Variants in MAP2K4 observed in about 807,000 individuals in gnomAD.
MAP2K4 encodes mitogen-activated protein kinase kinase 4.
Under a neutral mutation model 48.5 loss-of-function variants are expected in MAP2K4, and 4 were observed. That is an observed-to-expected ratio of 0.08 (90% CI 0.04 to 0.19). The LOEUF is 0.19. Among genes scored for constraint, MAP2K4 ranks in the 10% least tolerant of loss-of-function variants. The pLI is 1.00. For synonymous variants in MAP2K4, 166 were observed against 173.1 expected (o/e 0.96, Z 0.32); for missense variants, 258 against 493.3 (o/e 0.52, Z 4.52).
intron 8 of MAP2K4, among the ~76,000 whole-genome samples, chr17:12,126,668 T>TAGG (rs1282554849): frequency 2.0e-5 from 3 of 152,156 alleles, no homozygotes; most frequent in Non-Finnish European, 4.4e-5. Context: ...ACCATCACAT[T>TAGG]AGGGATTAGG....
At chr17:12,115,650 A>G (rs1193987841) in intron 7 of MAP2K4, 6 of 752,718 alleles carry the variant, frequency 8.0e-6, no homozygotes, top group African/African-American at 1.7e-5. Context: ...AACGCTTATT[A>G]ACACAGCAAA....
intron 4 of MAP2K4, among the ~76,000 whole-genome samples, chr17:12,098,457 A>G (rs986923694): frequency 5.3e-5 from 8 of 151,358 alleles, no homozygotes; most frequent in Non-Finnish European, 7.4e-5. Context: ...CAGCCTGGGC[A>G]ACAGAGCGAG....
rs1474038251 is a variant in MAP2K4, at chr17:12,143,637, C to T, written c.*2377C>T. 1.3e-5 allele frequency: 3 copies of T among 230,976 alleles called. No individual in the cohort carries two copies. The highest frequency in any genetic ancestry group is 5.6e-5 in the Admixed American group (1 of 17,728). 14.3% of individuals were successfully genotyped at this position (230,976 alleles called of 1,614,324 possible). On this transcript the variant is annotated 3_prime_UTR_variant, in exon 11 of 11. Transcript: ENST00000353533. ...TCCTGTATTCTTGTTTGAATTCCTC[C>T]TCTATTTAAGATATATACATGGAAT...
At chr17:12,105,924 A>G (rs1056019975) in intron 4 of MAP2K4, among the ~76,000 whole-genome samples, 3 of 151,870 alleles carry the variant, frequency 2.0e-5, no homozygotes, top group East Asian at 1.9e-4. Context: ...TTTGGTAACT[A>G]TAGTTTTTAG....
chr17:12,053,936 A>C (rs964286870), intron 1 of MAP2K4, among the ~76,000 whole-genome samples: 6 of 152,164 alleles, frequency 3.9e-5, no homozygotes, highest in African/African-American at 1.4e-4. Context: ...CTAGAGAGTG[A>C]GTTCAGGAAA....
intron 9 of MAP2K4, among the ~76,000 whole-genome samples, chr17:12,134,218 G>A (rs763711082): frequency 4.6e-5 from 7 of 152,186 alleles, no homozygotes; most frequent in Non-Finnish European, 8.8e-5. Flanking sequence ...CAGTTAACCT[G>A]AATCCATAGC....
At chr17:12,121,070 A>T (rs1431460308) in intron 7 of MAP2K4, among the ~76,000 whole-genome samples, 1 of 152,230 alleles carries the variant, frequency 6.6e-6, no homozygotes, top group East Asian at 1.9e-4. Context: ...AATGATGGTG[A>T]TGCCCAGCAA....
chr17:12,066,956 C>T (rs1006034379), intron 2 of MAP2K4, among the ~76,000 whole-genome samples: 2 of 151,814 alleles, frequency 1.3e-5, no homozygotes, highest in Non-Finnish European at 2.9e-5. Context: ...GGATTACAGG[C>T]GTGAGCCACC....
intron 9 of MAP2K4, among the ~76,000 whole-genome samples, chr17:12,131,041 A>G (rs573234883): frequency 6.6e-6 from 1 of 152,302 alleles, no homozygotes; most frequent in Non-Finnish European, 1.5e-5. Context: ...TTAGTCCTCC[A>G]AAGGGCCATA....
chr17:12,127,291 A>G (rs1274102923), intron 8 of MAP2K4, among the ~76,000 whole-genome samples: 1 of 152,242 alleles, frequency 6.6e-6, no homozygotes, highest in Non-Finnish European at 1.5e-5. Context: ...AGGAGAGAAC[A>G]TGGATCTCGG....
In MAP2K4 at chr17:12,142,057, G is replaced by A. The variant is rs59832266; in HGVS notation, c.*797G>A. On this transcript the variant is annotated 3_prime_UTR_variant, in exon 11 of 11. Coordinates refer to ENST00000353533, the MANE Select transcript of MAP2K4 (RefSeq NM_003010.4). ...AAGAATTTTTCATTCTCAGAATTCG[G>A]TGTGCTGCCAACTTGATGTTCCACC... 692 of 233,350 alleles carry A rather than the reference G, an allele frequency of 3.0e-3. 19 individuals carry two copies. The East Asian group carries it at 0.04, about 13-fold the overall frequency. 14.5% of individuals were successfully genotyped at this position (233,350 alleles called of 1,614,324 possible).
chr17:12,051,566 A>G (rs888868962), intron 1 of MAP2K4, among the ~76,000 whole-genome samples: 1 of 152,192 alleles, frequency 6.6e-6, no homozygotes. Context: ...AGTCCCACCA[A>G]AGGGGTTATT....
chr17:12,039,226 T>G (rs1969699338), intron 1 of MAP2K4, among the ~76,000 whole-genome samples: 1 of 152,176 alleles, frequency 6.6e-6, no homozygotes, highest in Admixed American at 6.5e-5. Flanking sequence ...TCAGGAGACC[T>G]GTGAAGTCAG....
rs536845984 is a variant in MAP2K4, at chr17:12,084,250, C to T, written c.393+2720C>T. ...GATATAATCAGATTTAGTGAGGTAA[C>T]ATTGTAAGAGTTATACTTAAAACAA... On this transcript the variant is annotated intron_variant, in intron 3 of 10. Transcript: ENST00000353533. Among the ~76,000 whole-genome samples the T allele has an allele frequency of 4.6e-5, 7 of 152,234 alleles. No homozygotes were observed. In the East Asian group the frequency reaches 1.2e-3, roughly 25 times the overall value.
intron 1 of MAP2K4, among the ~76,000 whole-genome samples, chr17:12,035,237 G>T (rs1969555991): frequency 6.6e-6 from 1 of 152,164 alleles, no homozygotes; most frequent in African/African-American, 2.4e-5. Flanking sequence ...TTGGGCTTGG[G>T]CTGGGCACGG....
chr17:12,093,388 T>A (rs1971627122), intron 3 of MAP2K4, among the ~76,000 whole-genome samples: 1 of 152,208 alleles, frequency 6.6e-6, no homozygotes, highest in Admixed American at 6.5e-5. Context: ...CAGTTAGGCC[T>A]TTAGATCATG....
At chr17:12,051,861 C>T (rs1749467985) in intron 1 of MAP2K4, among the ~76,000 whole-genome samples, 1 of 151,660 alleles carries the variant, frequency 6.6e-6, no homozygotes, top group Non-Finnish European at 1.5e-5. Context: ...AGAGAAGGAC[C>T]CAGCCCCAGT....
At chr17:12,088,577 T>A (rs11655585) in intron 3 of MAP2K4, among the ~76,000 whole-genome samples, 1 of 109,644 alleles carries the variant, frequency 9.1e-6, no homozygotes, top group African/African-American at 3.1e-5. Context: ...AAATATATAA[T>A]ATATAATATA....
At chr17:12,084,210 C>G (rs1310278726) in intron 3 of MAP2K4, among the ~76,000 whole-genome samples, 1 of 152,122 alleles carries the variant, frequency 6.6e-6, no homozygotes, top group Non-Finnish European at 1.5e-5. Flanking sequence ...AAGACTTAAT[C>G]TAAAAATCAG....
Sources: allele counts gnomAD v4.1 joint callset (sites outside exome capture counted in the v4.1 genomes callset), GRCh38; gene constraint gnomAD v4.1.1; transcripts MANE v1.5; gene names NCBI Gene and HGNC (gene_info 2026-07-23, HGNC 2026-07-21).